GAS7: variants seen among roughly 807,000 people sequenced by gnomAD.
GAS7 encodes growth arrest specific 7, also known as growth arrest-specific protein 7.
Under a neutral mutation model 71.1 loss-of-function variants are expected in GAS7, and 28 were observed. The ratio of observed to expected loss-of-function variants is 0.39; its 90% confidence interval spans 0.29 to 0.54. The LOEUF (loss-of-function observed/expected upper bound fraction) is 0.54. GAS7 is among the 20% of genes least tolerant of loss of function. The probability of loss-of-function intolerance (pLI) is 0.62; values close to 1 mark genes in which losing one functional copy is unlikely to be tolerated. For missense variants in GAS7, 436 were observed against 627.8 expected, an observed-to-expected ratio of 0.69 and a Z score of 3.27; for synonymous variants, 258 against 245.8, an observed-to-expected ratio of 1.05 and a Z score of -0.46.
At chr17:10,124,833 G>A (rs991622479) in intron 1 of GAS7, among the ~76,000 whole-genome samples, 17 of 152,070 alleles carry the variant, frequency 1.1e-4, no homozygotes, top group Non-Finnish European at 1.8e-4. Context: ...CAAGAGAATC[G>A]CTTGAACCCG....
chr17:9,951,509 C>A (rs1416270623), intron 5 of GAS7, among the ~76,000 whole-genome samples: 2 of 152,144 alleles, frequency 1.3e-5, no homozygotes, highest in Non-Finnish European at 2.9e-5. Flanking sequence ...GTAATCCCAG[C>A]ACTTTGGGAG....
In GAS7 at chr17:9,919,857, G is replaced by A. The variant is rs2067731939; in HGVS notation, c.1139-152C>T. The stretch of plus-strand genomic sequence containing the variant: ...AAAGGGATGGCAGTAGGAAGAAGAA[G>A]AAAGCAGAGCCAGGGAAGGAAGGGG... On this transcript the variant is annotated intron_variant, in intron 11 of 13. Coordinates refer to ENST00000432992, the MANE Select transcript of GAS7 (RefSeq NM_201433.2). The surrounding 1 kb of genome is among the most constrained non-coding windows in gnomAD (Gnocchi z 5.0). 2.2e-5 allele frequency: 15 copies of A among 688,012 alleles called. No homozygotes were observed. In the South Asian group the frequency reaches 2.5e-4, roughly 11 times the overall value. 42.6% of individuals were successfully genotyped at this position (688,012 alleles called of 1,614,324 possible).
At chr17:10,173,596 G>A (rs145017396) in intron 1 of GAS7, among the ~76,000 whole-genome samples, 3,521 of 152,050 alleles carry the variant, frequency 0.023, 159 homozygotes, top group African/African-American at 0.081. Context: ...GTGAAACCCC[G>A]TCTCTACTAA....
intron 1 of GAS7, among the ~76,000 whole-genome samples, chr17:10,143,524 G>A (rs867699267): frequency 9.2e-4 from 124 of 135,496 alleles, no homozygotes; most frequent in African/African-American, 3.3e-3. Context: ...CCTGGGCAAC[G>A]AGAGAAAAAT....
In GAS7 at chr17:10,034,479, T is replaced by C. The variant is rs2072699041; in HGVS notation, c.184-14582A>G. On this transcript the variant is annotated intron_variant, in intron 1 of 13. Transcript: ENST00000432992. This position sits in a 1 kb window ranked among gnomAD's most constrained non-coding sequence, Gnocchi z 4.4. ...ACCTATCACCACGCCTGGCTAATTT[T>C]TGTATTTTTAGTAGACACGGGGTTT... 6.6e-6 allele frequency among the ~76,000 whole-genome samples: 1 copy of C among 152,038 alleles called. No individual in the cohort carries two copies. The highest frequency in any genetic ancestry group is 2.1e-4 in the South Asian group (1 of 4,822).
rs141002182 is a variant in GAS7, at chr17:10,029,977, C to T, written c.184-10080G>A. ...AACAAAACGCTGACCTTCCTCCCGT[C>T]CCCATAGTGAAGCATCCGTGTCCTG... On this transcript the variant is annotated intron_variant, in intron 1 of 13. Transcript: ENST00000432992. 1.5e-3 allele frequency among the ~76,000 whole-genome samples: 235 copies of T among 152,314 alleles called. 1 individual carries two copies. The highest frequency in any genetic ancestry group is 0.01 in the Middle Eastern group (3 of 294).
At chr17:10,130,968 G>A (rs1310527211) in intron 1 of GAS7, among the ~76,000 whole-genome samples, 1 of 152,172 alleles carries the variant, frequency 6.6e-6, no homozygotes, top group Non-Finnish European at 1.5e-5. Context: ...ACTAAAAACC[G>A]ATTTATACAC....
rs139775814 is a variant in GAS7, at chr17:9,918,463, C to T, written c.1219-364G>A. Among the ~76,000 whole-genome samples, 487 of 152,330 alleles carry T rather than the reference C, an allele frequency of 3.2e-3. 1 individual carries two copies. The highest frequency in any genetic ancestry group is 0.01 in the African/African-American group (428 of 41,566). ...ACAACACAGCTCACCCAAAGCGACACGGAATTATGGGAGGAACAGGATTTA... is the reference window on the plus strand; with the variant it reads ...ACAACACAGCTCACCCAAAGCGACATGGAATTATGGGAGGAACAGGATTTA... On this transcript the variant is annotated intron_variant, in intron 12 of 13. Coordinates refer to ENST00000432992, the MANE Select transcript of GAS7 (RefSeq NM_201433.2).
At chr17:10,167,562 G>C in intron 1 of GAS7, among the ~76,000 whole-genome samples, 1 of 152,220 alleles carries the variant, frequency 6.6e-6, no homozygotes, top group Non-Finnish European at 1.5e-5. Context: ...CCTGTTTAGA[G>C]GGCATTGGCC....
chr17:10,063,678 G>A (rs756125760), intron 1 of GAS7, among the ~76,000 whole-genome samples: 1 of 152,102 alleles, frequency 6.6e-6, no homozygotes, highest in Non-Finnish European at 1.5e-5. Flanking sequence ...AACAAGATAC[G>A]ACACTGAGGG....
chr17:9,959,175 T>G lies in GAS7; in HGVS notation c.525+27A>C. Reference sequence around the variant, plus strand: ...AAATGCCCCAGCTCGCAGCCCACCCTGAGGGCGCCCCTCGGGAGCCACTTA... The same window carrying G: ...AAATGCCCCAGCTCGCAGCCCACCCGGAGGGCGCCCCTCGGGAGCCACTTA... On this transcript the variant is annotated intron_variant, in intron 5 of 13. Transcript: ENST00000432992. This position sits in a 1 kb window ranked among gnomAD's most constrained non-coding sequence, Gnocchi z 5.0. 6.2e-7 allele frequency: 1 copy of G among 1,611,196 alleles called. No individual in the cohort carries two copies. The highest frequency in any genetic ancestry group is 8.5e-7 in the Non-Finnish European group (1 of 1,178,266).
At chr17:10,189,108 A>T (rs1383407798) in intron 1 of GAS7, among the ~76,000 whole-genome samples, 1 of 151,794 alleles carries the variant, frequency 6.6e-6, no homozygotes, top group African/African-American at 2.4e-5. Context: ...TTTTTTTGGG[A>T]AGAGATTTCT....
rs78462991 is a variant in GAS7, at chr17:10,121,692, G to A, written c.183+76516C>T. 2.7e-3 allele frequency among the ~76,000 whole-genome samples: 414 copies of A among 152,236 alleles called. 3 individuals carry two copies. The highest frequency in any genetic ancestry group is 9.3e-3 in the African/African-American group (388 of 41,534). On this transcript the variant is annotated intron_variant, in intron 1 of 13. Coordinates refer to ENST00000432992, the MANE Select transcript of GAS7 (RefSeq NM_201433.2). ...TAAAAATTCTCTCCACCCACGAAAC[G>A]ATTTGTTCACCTGTGGGTTGAGGAG... is the stretch of plus-strand genomic sequence containing the variant.
chr17:9,943,364 G>A, intron 6 of GAS7, 128 bp from the exon 7 acceptor site: 1 of 651,220 alleles, frequency 1.5e-6, no homozygotes, highest in Non-Finnish European at 2.8e-6. Context: ...CGCGGGAGCA[G>A]CTGTCTCTGC....
chr17:10,115,161 G>C (rs1472713208), intron 1 of GAS7, among the ~76,000 whole-genome samples: 1 of 152,240 alleles, frequency 6.6e-6, no homozygotes, highest in East Asian at 1.9e-4. Context: ...CAAATGAAAA[G>C]ACATAAATTA....
chr17:9,998,983 G>A (rs528507560), intron 2 of GAS7, among the ~76,000 whole-genome samples: 17 of 152,238 alleles, frequency 1.1e-4, no homozygotes, highest in African/African-American at 2.6e-4. Context: ...AAAATTCTTC[G>A]GTGACCATGT....
intron 5 of GAS7, among the ~76,000 whole-genome samples, chr17:9,956,982 G>T (rs748228572): frequency 6.6e-6 from 1 of 152,182 alleles, no homozygotes; most frequent in African/African-American, 2.4e-5. Context: ...ACCAAGGCCT[G>T]GAGACCTGTG....
chr17:10,161,365 TCCAA>T (rs1346755846), intron 1 of GAS7, among the ~76,000 whole-genome samples: 2 of 152,174 alleles, frequency 1.3e-5, no homozygotes, highest in African/African-American at 4.8e-5. Context: ...TCAAACCAGC[TCCAA>T]CCAATAGTTC....
At chr17:9,968,847 A>G (rs971463381) in intron 4 of GAS7, among the ~76,000 whole-genome samples, 2 of 152,214 alleles carry the variant, frequency 1.3e-5, no homozygotes, top group South Asian at 2.1e-4. Context: ...ATCATCATCA[A>G]TGATCATTAT....
Sources: allele counts gnomAD v4.1 joint callset (sites outside exome capture counted in the v4.1 genomes callset), GRCh38; gene constraint gnomAD v4.1.1; non-coding constraint Gnocchi (gnomAD v3.1); transcripts MANE v1.5; gene names NCBI Gene and HGNC (gene_info 2026-07-23, HGNC 2026-07-21).